The following HIVEP3 variants were observed in gnomAD, a reference collection of about 807,000 sequenced individuals.
HIVEP3 encodes the protein transcription factor HIVEP3.
HIVEP3 carries 49 observed loss-of-function variants against 152.8 expected under a neutral mutation model. The ratio of observed to expected loss-of-function variants is 0.32; its 90% CI spans 0.26 to 0.41. HIVEP3 has a LOEUF of 0.41. Ranked by LOEUF, HIVEP3 falls within the 10% of genes least tolerant of loss-of-function variation. The pLI, the probability that HIVEP3 is intolerant of heterozygous loss-of-function variation, is 1.00. For synonymous variants in HIVEP3, 1,269 were observed against 1,289.0 expected, an observed-to-expected ratio of 0.98 and a Z score of 0.33; for missense variants, 2,790 against 3,103.3, an observed-to-expected ratio of 0.90 and a Z score of 2.40.
chr1:41,563,386 G>A (rs1644112038), intron 5 of HIVEP3, among the ~76,000 whole-genome samples: 1 of 151,848 alleles, frequency 6.6e-6, no homozygotes, highest in Admixed American at 6.6e-5. Flanking sequence ...AAAATAGTGG[G>A]GAGGAAGTGA....
chr1:41,658,282 AATT>A (rs1472829201), intron 2 of HIVEP3, among the ~76,000 whole-genome samples: 2 of 152,202 alleles, frequency 1.3e-5, no homozygotes, highest in African/African-American at 2.4e-5. Flanking sequence ...TGTTAATGGC[AATT>A]ATTCCCAAAC....
At chr1:41,728,573 G>A (rs1207102205) in intron 1 of HIVEP3, among the ~76,000 whole-genome samples, 1 of 152,192 alleles carries the variant, frequency 6.6e-6, no homozygotes, top group African/African-American at 2.4e-5. Context: ...TGCAGAGGGT[G>A]GATGAGGCCA....
At chr1:41,828,088 C>T (rs1338079836) in intron 1 of HIVEP3, among the ~76,000 whole-genome samples, 1 of 152,202 alleles carries the variant, frequency 6.6e-6, no homozygotes, top group Non-Finnish European at 1.5e-5. Flanking sequence ...CAAGCTTCTG[C>T]CAGCAGGAGT....
rs1461868138 is a variant in HIVEP3, at chr1:41,581,419, G to T, written c.3379C>A (p.Pro1127Thr). The change falls in exon 4 of 9, where the codon CCC (proline) becomes ACC (threonine). Residue 1127 changes from proline to threonine, a missense_variant. Coordinates refer to ENST00000372583, the MANE Select transcript of HIVEP3 (RefSeq NM_024503.5). This position sits in a 1 kb window ranked among gnomAD's most constrained non-coding sequence, Gnocchi z 4.5. Reference protein sequence around the residue: ...YTEALQVFHHPVAQTPLHEKP... With the variant: ...YTEALQVFHHTVAQTPLHEKP... ...TCATGCAGGGGTGTCTGGGCAACGG[G>T]GTGGTGGAACACTTGCAGTGCTTCT... 6.3e-7 allele frequency: 1 copy of T among 1,599,064 alleles called. No individual in the cohort carries two copies. The highest frequency in any genetic ancestry group is 8.5e-7 in the Non-Finnish European group (1 of 1,172,924).
At chr1:41,893,927 A>T (rs1252469851) in intron 1 of HIVEP3, among the ~76,000 whole-genome samples, 1 of 147,796 alleles carries the variant, frequency 6.8e-6, no homozygotes, top group Non-Finnish European at 1.5e-5. Flanking sequence ...TATATATATA[A>T]ATTGTCTTTC....
intron 3 of HIVEP3, among the ~76,000 whole-genome samples, chr1:41,621,304 T>A (rs994021529): frequency 1.3e-5 from 2 of 152,256 alleles, no homozygotes; most frequent in African/African-American, 4.8e-5. Flanking sequence ...AATTCTGTTA[T>A]GGGAGGGTAT....
intron 1 of HIVEP3, among the ~76,000 whole-genome samples, chr1:41,853,112 A>T (rs888650762): frequency 1.3e-5 from 2 of 152,168 alleles, no homozygotes; most frequent in African/African-American, 4.8e-5. Context: ...AAGAAAACAG[A>T]GACTGGCCCA....
At chr1:42,025,922 T>A (rs2124537901) in intron 1 of HIVEP3, among the ~76,000 whole-genome samples, 1 of 151,968 alleles carries the variant, frequency 6.6e-6, no homozygotes. Context: ...ATATAAAAAA[T>A]TAGCCGGGCG....
At chr1:41,768,468 T>G (rs899609871) in intron 1 of HIVEP3, among the ~76,000 whole-genome samples, 3 of 152,198 alleles carry the variant, frequency 2.0e-5, no homozygotes, top group African/African-American at 7.2e-5. Flanking sequence ...CCGAACCATA[T>G]CTCCATCTAA....
chr1:41,857,922 T>C (rs1643812326), intron 1 of HIVEP3, among the ~76,000 whole-genome samples: 1 of 152,076 alleles, frequency 6.6e-6, no homozygotes, highest in African/African-American at 2.4e-5. Flanking sequence ...TTAACAGCCA[T>C]ATAACTCTTT....
chr1:41,718,092 C>T (rs943334312), intron 1 of HIVEP3, among the ~76,000 whole-genome samples: 1 of 152,234 alleles, frequency 6.6e-6, no homozygotes, highest in Non-Finnish European at 1.5e-5. Flanking sequence ...TTCGGAATCC[C>T]CCAAGCACGG....
chr1:41,988,623 A>T (rs980191399), intron 1 of HIVEP3, among the ~76,000 whole-genome samples: 1 of 152,348 alleles, frequency 6.6e-6, no homozygotes, highest in East Asian at 1.9e-4. Context: ...ATGGGAATGT[A>T]AGATAGTACA....
intron 1 of HIVEP3, among the ~76,000 whole-genome samples, chr1:41,896,289 G>A (rs534023154): frequency 2.6e-5 from 4 of 152,342 alleles, no homozygotes; most frequent in East Asian, 3.9e-4. Context: ...TCAAGTTGAT[G>A]AGTGAAATGT....
chr1:41,997,137 C>T (rs1003640792), intron 1 of HIVEP3, among the ~76,000 whole-genome samples: 1 of 152,200 alleles, frequency 6.6e-6, no homozygotes, highest in Non-Finnish European at 1.5e-5. Context: ...GGGGAGGGAA[C>T]ATTATTCTAT....
chr1:41,875,062 C>T (rs796467521), intron 1 of HIVEP3, among the ~76,000 whole-genome samples: 6 of 152,340 alleles, frequency 3.9e-5, no homozygotes, highest in African/African-American at 1.4e-4. Flanking sequence ...GGGGAGAGAA[C>T]AGCAAATAGG....
At chr1:41,696,782 A>G (rs531097474) in intron 2 of HIVEP3, among the ~76,000 whole-genome samples, 1 of 152,386 alleles carries the variant, frequency 6.6e-6, no homozygotes, top group African/African-American at 2.4e-5. Flanking sequence ...TGCATAGAAA[A>G]AAAGGTGGAA....
intron 1 of HIVEP3, among the ~76,000 whole-genome samples, chr1:41,956,519 T>C (rs1435349417): frequency 2.0e-5 from 3 of 152,248 alleles, no homozygotes; most frequent in Admixed American, 6.5e-5. Context: ...AGATCAGCCA[T>C]GCTAATGGAG....
At chr1:41,921,724 T>A (rs933253668), upstream of HIVEP3, among the ~76,000 whole-genome samples, 10 of 152,022 alleles carry the variant, frequency 6.6e-5, no homozygotes, top group African/African-American at 2.4e-4. Flanking sequence ...AGGCAGCAGT[T>A]TAAAGGCAAA....
intron 3 of HIVEP3, among the ~76,000 whole-genome samples, chr1:41,615,890 T>C (rs929652980): frequency 8.7e-5 from 13 of 149,350 alleles, no homozygotes; most frequent in African/African-American, 3.0e-4. Context: ...ATGCATAATA[T>C]TGCTGCTTGG....
Sources: allele counts gnomAD v4.1 joint callset (sites outside exome capture counted in the v4.1 genomes callset), GRCh38; gene constraint gnomAD v4.1.1; non-coding constraint Gnocchi (gnomAD v3.1); transcripts MANE v1.5; gene names NCBI Gene and HGNC (gene_info 2026-07-23, HGNC 2026-07-21).